The following TMPRSS12 variants were observed in gnomAD, a reference collection of about 807,000 sequenced individuals.
TMPRSS12 encodes the protein transmembrane protease serine 12.
Under a neutral mutation model 26.0 loss-of-function variants are expected in TMPRSS12, and 25 were observed. That is an observed-to-expected ratio of 0.96 (90% CI 0.70 to 1.34). The LOEUF is 1.34. Among genes scored for constraint, TMPRSS12 ranks in the 40% most tolerant of loss-of-function variants. TMPRSS12 has a pLI of 0.00. For synonymous variants in TMPRSS12, 150 were observed against 161.7 expected, an observed-to-expected ratio of 0.93 and a Z score of 0.55; for missense variants, 441 against 440.1, an observed-to-expected ratio of 1.00 and a Z score of -0.02.
chr12:50,875,532 G>C (rs914716163), intron 3 of TMPRSS12, among the ~76,000 whole-genome samples: 7 of 142,648 alleles, frequency 4.9e-5, no homozygotes, highest in Non-Finnish European at 9.2e-5. Flanking sequence ...AAACAACATG[G>C]TATTGTTACC....
intron 2 of TMPRSS12, among the ~76,000 whole-genome samples, chr12:50,851,879 C>G (rs1202181547): frequency 6.6e-6 from 1 of 152,182 alleles, no homozygotes; most frequent in African/African-American, 2.4e-5. Context: ...CAGAAAAGAT[C>G]GGGGCAGTCT....
chr12:50,843,191 AC>A, intron 1 of TMPRSS12, 40 bp downstream of exon 1: 1 of 1,500,540 alleles, frequency 6.7e-7, no homozygotes, highest in Non-Finnish European at 8.9e-7. Context: ...AGCCTCTCTT[AC>A]CTTTTCCCCA....
chr12:50,843,178 G>A (rs1324247865), intron 1 of TMPRSS12, 27 bp downstream of exon 1: 7 of 1,525,546 alleles, frequency 4.6e-6, no homozygotes, highest in Non-Finnish European at 6.2e-6. Flanking sequence ...CCTGTCTCTG[G>A]GGAGCCTCTC....
intron 3 of TMPRSS12, among the ~76,000 whole-genome samples, chr12:50,872,926 T>G (rs545237568): frequency 1.6e-5 from 1 of 63,982 alleles, no homozygotes; most frequent in Non-Finnish European, 3.1e-5. Flanking sequence ...TGTACATATA[T>G]GATGTATATA....
rs748286127 is a variant in TMPRSS12 at position 50,843,940 on chromosome 12, C to A, written c.286C>A (p.Gln96Lys). The change falls in exon 2 of 5, where the codon CAG becomes AAG. Residue 96 changes from glutamine to lysine, a missense_variant. By Grantham distance (53) the Gln-to-Lys change is moderately conservative. Coordinates refer to ENST00000398458, the MANE Select transcript of TMPRSS12 (RefSeq NM_182559.3). ...CGCATGGCCGTGGGTGGTGAGCCTG[C>A]AGATTAAATATGGCCGTGTTCTTGT... ...AGAWPWVVSL[Q>K]IKYGRVLVHV... 1.3e-6 allele frequency: 2 copies of A among 1,599,042 alleles called. No individual in the cohort carries two copies. The highest frequency in any genetic ancestry group is 2.3e-5 in the East Asian group (1 of 44,440).
intron 3 of TMPRSS12, among the ~76,000 whole-genome samples, chr12:50,876,803 CAAAAA>C (rs35311314): frequency 2.7e-5 from 2 of 75,332 alleles, no homozygotes; most frequent in Admixed American, 3.3e-4. Flanking sequence ...GACTCTGTCT[CAAAAA>C]AAAAAAAAAA....
chr12:50,857,649 T>TTTGCTTGC (rs534167774), intron 2 of TMPRSS12, among the ~76,000 whole-genome samples: 100 of 152,340 alleles, frequency 6.6e-4, no homozygotes, highest in African/African-American at 2.2e-3. Flanking sequence ...GGTTTAGTTT[T>TTTGCTTGC]TTGCTTGCTT....
rs74090537 is a variant in TMPRSS12 at position 50,862,144 on chromosome 12, T to C, written c.652+3091T>C. Among the ~76,000 whole-genome samples the C allele has an allele frequency of 1.9e-3, 295 of 152,304 alleles. 2 individuals carry two copies. Among genetic ancestry groups the C allele is most frequent in the African/African-American group, 6.3e-3 (261 of 41,572 alleles). Reference sequence around the variant, plus strand: ...TCTTTCACAATGTCATACAGTTTCATGATCTTTAAAGTGAGAGCAATGATA... The same window carrying C: ...TCTTTCACAATGTCATACAGTTTCACGATCTTTAAAGTGAGAGCAATGATA... On this transcript the variant is annotated intron_variant, in intron 3 of 4. Transcript: ENST00000398458.
intron 3 of TMPRSS12, among the ~76,000 whole-genome samples, chr12:50,863,228 T>C (rs1172231500): frequency 2.0e-5 from 3 of 151,906 alleles, no homozygotes; most frequent in African/African-American, 4.8e-5. Flanking sequence ...GCTATATAAA[T>C]ATCAGATAAA....
Position 50,843,114 on chromosome 12 carries a change from G to C in TMPRSS12, c.150G>C (p.Arg50Ser). The change falls in exon 1 of 5, where the codon AGG becomes AGC. Residue 50 changes from arginine to serine, a missense_variant. Arg to Ser is a moderately radical substitution (Grantham distance 110). Coordinates refer to ENST00000398458, the MANE Select transcript of TMPRSS12 (RefSeq NM_182559.3). ...AGCAGGCTGAGGCCGTCCGCAAGAGGCTCCGGCGGCGGAGGGAGGGAGGGG... is the reference window on the plus strand; with the variant it reads ...AGCAGGCTGAGGCCGTCCGCAAGAGCCTCCGGCGGCGGAGGGAGGGAGGGG... ...SSQQAEAVRKRLRRRREGGAH... is the reference protein window; with the variant it reads ...SSQQAEAVRKSLRRRREGGAH... 1 of 1,576,616 alleles carries C rather than the reference G, an allele frequency of 6.3e-7. No homozygotes were observed.
intron 3 of TMPRSS12, among the ~76,000 whole-genome samples, chr12:50,871,335 G>A (rs962192260): frequency 5.3e-5 from 8 of 152,010 alleles, no homozygotes; most frequent in Admixed American, 2.0e-4. Context: ...AAACAAAAAC[G>A]TAAAATGGGG....
At chr12:50,843,280 C>G in intron 1 of TMPRSS12, 129 bp downstream of exon 1, 1 of 870,408 alleles carries the variant, frequency 1.1e-6, no homozygotes, top group Non-Finnish European at 1.7e-6. Context: ...CATACCTAAG[C>G]AGTTTCTAGA....
Position 50,871,040 on chromosome 12 carries a change from C to T in TMPRSS12, c.652+11987C>T, listed in dbSNP as rs867817712. On this transcript the variant is annotated intron_variant, in intron 3 of 4. Coordinates refer to ENST00000398458, the MANE Select transcript of TMPRSS12 (RefSeq NM_182559.3). Reference sequence around the variant, plus strand: ...TACTGTCAAAAGCAATCTATAAATTCGATGCAATCCCCATCAAAATACCAC... The same window carrying T: ...TACTGTCAAAAGCAATCTATAAATTTGATGCAATCCCCATCAAAATACCAC... Among the ~76,000 whole-genome samples, 9 of 152,024 alleles carry T rather than the reference C, an allele frequency of 5.9e-5. No homozygotes were observed. In the Middle Eastern group the frequency reaches 0.01, roughly 172 times the overall value.
At chr12:50,853,581 CAAAAAAA>C (rs34657217) in intron 2 of TMPRSS12, among the ~76,000 whole-genome samples, 9 of 102,402 alleles carry the variant, frequency 8.8e-5, no homozygotes, top group Non-Finnish European at 1.4e-4. Context: ...GCTAGACTAA[CAAAAAAA>C]AAAAAAAAAA....
At chr12:50,885,498 A>T (rs1381823590) in intron 4 of TMPRSS12, 110 bp downstream of exon 4, 1 of 1,279,448 alleles carries the variant, frequency 7.8e-7, no homozygotes, top group Admixed American at 1.7e-5. Context: ...CCTAAAAATA[A>T]TAAATCATTT....
Position 50,887,352 on chromosome 12 carries a change from C to G in TMPRSS12, c.886C>G (p.Arg296Gly). ...GITSYGHGCG[R>G]RGFPGVYIGP... ...TACCAGTTACGGACATGGCTGTGGT[C>G]GAAGAGGTTTTCCTGGTGTCTATAT... Residue 296 changes from arginine to glycine, a missense_variant, in exon 5 of 5, where the codon CGA becomes GGA. Coordinates refer to ENST00000398458, the MANE Select transcript of TMPRSS12 (RefSeq NM_182559.3). 1 of 1,613,790 alleles carries G rather than the reference C, an allele frequency of 6.2e-7. No individual in the cohort carries two copies. The highest frequency in any genetic ancestry group is 8.5e-7 in the Non-Finnish European group (1 of 1,179,844).
chr12:50,857,076 G>A (rs1250892767), intron 2 of TMPRSS12, among the ~76,000 whole-genome samples: 1 of 151,984 alleles, frequency 6.6e-6, no homozygotes, highest in Non-Finnish European at 1.5e-5. Flanking sequence ...AATAATAGCT[G>A]TTAATTTTTT....
chr12:50,872,816 C>T (rs1375104534), intron 3 of TMPRSS12, among the ~76,000 whole-genome samples: 1,490 of 77,932 alleles, frequency 0.019, 473 homozygotes, highest in Non-Finnish European at 0.03. Flanking sequence ...ATATATATGA[C>T]GTATATATGT....
intron 2 of TMPRSS12, among the ~76,000 whole-genome samples, chr12:50,858,463 A>G (rs1181243795): frequency 6.6e-6 from 1 of 152,192 alleles, no homozygotes; most frequent in Non-Finnish European, 1.5e-5. Context: ...TCAGGGATCT[A>G]GTTTTATTTC....
Sources: gnomAD v4.1 joint callset for allele counts (sites outside exome capture counted in the v4.1 genomes callset) on GRCh38, gnomAD v4.1.1 for gene constraint, MANE v1.5 for transcripts, NCBI Gene and HGNC (gene_info 2026-07-23, HGNC 2026-07-21) for gene names.